Variants in CERKL observed in about 807,000 individuals in gnomAD.
CERKL encodes CERK like autophagy regulator.
A neutral mutation model predicts 63.4 loss-of-function variants in CERKL; 61 were observed. That is an observed-to-expected ratio of 0.96 (90% confidence interval 0.78 to 1.19). The LOEUF is 1.19. Among genes scored for constraint, CERKL ranks in the 50% most tolerant of loss-of-function variants. The pLI is 0.00. For missense variants in CERKL, 675 were observed against 655.5 expected, an observed-to-expected ratio of 1.03 and a Z score of -0.33; for synonymous variants, 250 against 230.5, an observed-to-expected ratio of 1.08 and a Z score of -0.77.
intron 4 of CERKL, among the ~76,000 whole-genome samples, chr2:181,561,116 A>G (rs539335806): frequency 2.8e-4 from 42 of 152,122 alleles, no homozygotes; most frequent in Non-Finnish European, 5.3e-4. Flanking sequence ...AATGGCCAGC[A>G]CTGGCATTAA....
At chr2:181,618,583 AATTTTTGTATTTTAGTAGAG>A (rs1302953389) in intron 1 of CERKL, among the ~76,000 whole-genome samples, 1 of 151,678 alleles carries the variant, frequency 6.6e-6, no homozygotes, top group East Asian at 1.9e-4. Context: ...ACACCTGGCT[AATTTTTGTATTTTAGTAGAG>A]ACAGGGTTTC....
rs138874681 is a variant in CERKL, at chr2:181,573,377, T to C, written c.613+376A>G. 1.9e-3 allele frequency among the ~76,000 whole-genome samples: 291 copies of C among 152,238 alleles called. 2 individuals are homozygous for C. Among genetic ancestry groups the C allele is most frequent in the East Asian group, 0.017 (88 of 5,172 alleles). On this transcript the variant is annotated intron_variant, in intron 3 of 12. Transcript: ENST00000410087. ...AGAACGAAAACAACCCAAGGAAGAA[T>C]TCCATGGAAAGACATCAACTATATA...
chr2:181,594,392 G>T (rs1271200094), intron 2 of CERKL, among the ~76,000 whole-genome samples: 2 of 152,152 alleles, frequency 1.3e-5, no homozygotes, highest in Non-Finnish European at 2.9e-5. Context: ...GTTTTGCAGA[G>T]GATCACCTGG....
At chr2:181,631,485 T>C (rs571484937) in intron 1 of CERKL, among the ~76,000 whole-genome samples, 1 of 152,210 alleles carries the variant, frequency 6.6e-6, no homozygotes, top group South Asian at 2.1e-4. Flanking sequence ...TCACATCTCA[T>C]TCCCTTTACA....
At chr2:181,636,027 G>A (rs1326549278) in intron 1 of CERKL, among the ~76,000 whole-genome samples, 1 of 152,104 alleles carries the variant, frequency 6.6e-6, no homozygotes, top group African/African-American at 2.4e-5. Context: ...AGAGCCTAGG[G>A]CTCATAGGAA....
At position 181,539,167 on chromosome 2, in the gene CERKL, T is replaced by C. The variant is rs35955809; in HGVS notation, c.1463A>G (p.Glu488Gly). ...AGGGAAACAATTTTCTGAAGCAGTT[T>C]CATCCTCCTCCTCCTCTGGATTATA... ...GGYNPEEEED[E>G]TASENCFPWN... The change falls in exon 12 of 13, where the codon GAA becomes GGA. Residue 488 changes from glutamate to glycine, a missense_variant. Physicochemically the swap from Glu to Gly is moderately conservative, Grantham distance 98. Coordinates refer to ENST00000410087, the MANE Select transcript of CERKL (RefSeq NM_201548.5). The C allele has an allele frequency of 1.9e-3, 3,101 of 1,608,268 alleles. 48 individuals carry two copies. In the African/African-American group the frequency reaches 0.034, roughly 18 times the overall value.
intron 1 of CERKL, among the ~76,000 whole-genome samples, chr2:181,655,348 A>T (rs1413710589): frequency 6.6e-6 from 1 of 152,228 alleles, no homozygotes; most frequent in East Asian, 1.9e-4. Flanking sequence ...TCTCATTTTA[A>T]TTCTATAGCA....
At chr2:181,612,197 A>G (rs1388738723) in intron 1 of CERKL, among the ~76,000 whole-genome samples, 1 of 152,232 alleles carries the variant, frequency 6.6e-6, no homozygotes, top group East Asian at 1.9e-4. Context: ...TTTTACTACA[A>G]CTCGTTAACA....
chr2:181,621,662 A>G (rs1686458215), intron 1 of CERKL, among the ~76,000 whole-genome samples: 1 of 152,206 alleles, frequency 6.6e-6, no homozygotes, highest in Admixed American at 6.5e-5. Flanking sequence ...GCCAAAACTA[A>G]AGGTGAAGTT....
intron 1 of CERKL, among the ~76,000 whole-genome samples, chr2:181,614,439 ACTT>A (rs929486804): frequency 1.8e-4 from 28 of 152,328 alleles, no homozygotes; most frequent in African/African-American, 6.7e-4. Flanking sequence ...TTAAAAATGG[ACTT>A]CTTATCTATA....
intron 2 of CERKL, among the ~76,000 whole-genome samples, chr2:181,599,038 C>T (rs545211072): frequency 1.3e-5 from 2 of 152,126 alleles, no homozygotes; most frequent in South Asian, 2.1e-4. Context: ...TGGATCCTAA[C>T]CAAGTTGAAA....
At chr2:181,637,296 T>A (rs1208298677) in intron 1 of CERKL, among the ~76,000 whole-genome samples, 3 of 152,088 alleles carry the variant, frequency 2.0e-5, no homozygotes, top group Admixed American at 2.0e-4. Context: ...GCATCTATCC[T>A]AAAAGCACAT....
At chr2:181,586,608 A>G (rs990759668) in intron 2 of CERKL, among the ~76,000 whole-genome samples, 4 of 152,204 alleles carry the variant, frequency 2.6e-5, no homozygotes, top group African/African-American at 9.6e-5. Flanking sequence ...CCCAATTCAT[A>G]CTCTAGAGTA....
intron 1 of CERKL, among the ~76,000 whole-genome samples, 157 bp from the exon 2 acceptor site, chr2:181,604,236 T>C (rs1408585243): frequency 1.3e-4 from 20 of 152,098 alleles, no homozygotes; most frequent in Admixed American, 1.3e-3. Flanking sequence ...GATGAAATAA[T>C]CTGTACAACA....
intron 2 of CERKL, among the ~76,000 whole-genome samples, chr2:181,594,239 A>C (rs1685103328): frequency 6.6e-6 from 1 of 152,218 alleles, no homozygotes. Context: ...CTCTGTGCTA[A>C]GAAGAGTTAC....
At chr2:181,633,846 C>T (rs1181025720) in intron 1 of CERKL, among the ~76,000 whole-genome samples, 2 of 152,136 alleles carry the variant, frequency 1.3e-5, no homozygotes, top group Non-Finnish European at 2.9e-5. Flanking sequence ...CTTTGCCTGT[C>T]TTCACACACG....
chr2:181,551,497 A>C (rs1298864566), intron 5 of CERKL, among the ~76,000 whole-genome samples: 1 of 152,170 alleles, frequency 6.6e-6, no homozygotes, highest in Non-Finnish European at 1.5e-5. Context: ...AAAAGTGGGC[A>C]AAGGATACGA....
intron 2 of CERKL, among the ~76,000 whole-genome samples, chr2:181,599,762 A>G (rs2105888480): frequency 6.6e-6 from 1 of 152,252 alleles, no homozygotes; most frequent in Non-Finnish European, 1.5e-5. Context: ...GGAAGAAGTA[A>G]GCAAATTGGA....
intron 1 of CERKL, among the ~76,000 whole-genome samples, chr2:181,641,368 T>C (rs959865649): frequency 6.7e-5 from 9 of 134,742 alleles, no homozygotes; most frequent in Non-Finnish European, 3.2e-5. Context: ...CATATTTTTT[T>C]CCCTGAGATG....
Sources: gnomAD v4.1 joint callset for allele counts (sites outside exome capture counted in the v4.1 genomes callset) on GRCh38, gnomAD v4.1.1 for gene constraint, MANE v1.5 for transcripts, NCBI Gene and HGNC (gene_info 2026-07-23, HGNC 2026-07-21) for gene names.